ELFN1: variants seen among roughly 807,000 people sequenced by gnomAD.
The protein encoded by ELFN1 is extracellular leucine rich repeat and fibronectin type III domain containing 1.
Under a neutral mutation model 7.6 loss-of-function variants are expected in ELFN1, and 6 were observed. That is an observed-to-expected ratio of 0.79 (90% CI 0.43 to 1.56). ELFN1 has a LOEUF of 1.56. Ranked by LOEUF, ELFN1 falls within the 40% of genes most tolerant of loss-of-function variation. The probability of loss-of-function intolerance (pLI) is 0.01; values close to 1 mark genes in which losing one functional copy is unlikely to be tolerated. For missense variants in ELFN1, 1,169 were observed against 1,232.2 expected, an observed-to-expected ratio of 0.95 and a Z score of 0.77; for synonymous variants, 657 against 588.1, an observed-to-expected ratio of 1.12 and a Z score of -1.70.
upstream of ELFN1, among the ~76,000 whole-genome samples, chr7:1,668,626 A>G (rs1778706718): frequency 6.6e-6 from 1 of 152,172 alleles, no homozygotes; most frequent in African/African-American, 2.4e-5. Flanking sequence ...GTGGAGCTGC[A>G]GCTGGGGAGA....
At chr7:1,696,244 G>A (rs1779306732) in intron 2 of ELFN1, among the ~76,000 whole-genome samples, 1 of 151,600 alleles carries the variant, frequency 6.6e-6, no homozygotes, top group African/African-American at 2.4e-5. Context: ...GAGGGAGAGA[G>A]AGAGAAAGAG....
intron 3 of ELFN1, among the ~76,000 whole-genome samples, chr7:1,716,019 C>A (rs749675648): frequency 1.9e-4 from 29 of 152,218 alleles, no homozygotes; most frequent in Non-Finnish European, 5.9e-5. Flanking sequence ...CGCCATTGCT[C>A]ACCAGCTGTG....
At position 1,744,930 on chromosome 7, in the gene ELFN1, G is replaced by T. The variant is rs1204132359; in HGVS notation, c.334G>T (p.Val112Leu). 1 of 1,552,346 alleles carries T rather than the reference G, an allele frequency of 6.4e-7. No individual in the cohort carries two copies. The highest frequency in any genetic ancestry group is 8.7e-7 in the Non-Finnish European group (1 of 1,147,442). ...GAFSGQFNLQVLQLGYNRLRN... is the reference protein window; with the variant it reads ...GAFSGQFNLQLLQLGYNRLRN... ...CTTCTCGGGCCAGTTCAACCTGCAG[G>T]TGCTGCAGCTGGGCTACAACCGGCT... Residue 112 changes from valine (V) to leucine (L), a missense_variant, in exon 4 of 4, where the codon GTG becomes TTG. Transcript: ENST00000424383.
At chr7:1,700,795 G>A (rs1045489929) in intron 2 of ELFN1, among the ~76,000 whole-genome samples, 3 of 152,214 alleles carry the variant, frequency 2.0e-5, no homozygotes, top group Non-Finnish European at 4.4e-5. Flanking sequence ...TTGAAGCCTC[G>A]CCGGTCTGGC....
At chr7:1,731,584 A>T (rs563775285) in intron 3 of ELFN1, among the ~76,000 whole-genome samples, 2 of 152,328 alleles carry the variant, frequency 1.3e-5, no homozygotes, top group East Asian at 3.9e-4. Flanking sequence ...TATACGGGGA[A>T]ACAGACATGC....
chr7:1,708,870 C>G (rs1779592304), intron 2 of ELFN1, among the ~76,000 whole-genome samples: 1 of 152,178 alleles, frequency 6.6e-6, no homozygotes, highest in Non-Finnish European at 1.5e-5. Context: ...GCTCCTCTCC[C>G]CTCTATCCCG....
At position 1,705,041 on chromosome 7, in the gene ELFN1, G is replaced by A. The variant is rs1779502903; in HGVS notation, c.-455-4050G>A. On this transcript the variant is annotated intron_variant, in intron 2 of 3. Transcript: ENST00000424383. This position sits in a 1 kb window ranked among gnomAD's most constrained non-coding sequence, Gnocchi z 4.3. The stretch of plus-strand genomic sequence containing the variant: ...AGGCAGAGGGCACAGCAAGTGCAGA[G>A]GGCAGAGGTGGAGACCTGCTGGGGT... Among the ~76,000 whole-genome samples the A allele has an allele frequency of 6.6e-6, 1 of 152,154 alleles. No individual in the cohort carries two copies. Among genetic ancestry groups the A allele is most frequent in the African/African-American group, 2.4e-5 (1 of 41,444 alleles).
chr7:1,746,080 C>G lies in ELFN1; in HGVS notation c.1484C>G (p.Thr495Arg). Residue 495 changes from threonine (T) to arginine (R), a missense_variant, in exon 4 of 4, where the codon ACG (threonine) becomes AGG (arginine). Physicochemically the swap from Thr to Arg is moderately conservative, Grantham distance 71. This residue lies in a region of ELFN1 where 914 missense variants were observed against 872.6 expected (regional missense o/e 1.05). Coordinates refer to ENST00000424383, the MANE Select transcript of ELFN1 (RefSeq NM_001128636.4). ...CCGCTGCTGGGCCCCGAGGCCGTGA[C>G]GCGCATCCCTTACCTGCCTGCGGCC... ...QGPLLGPEAV[T>R]RIPYLPAAGE... The G allele has an allele frequency of 6.5e-7, 1 of 1,547,154 alleles. No individual in the cohort carries two copies. The highest frequency in any genetic ancestry group is 8.7e-7 in the Non-Finnish European group (1 of 1,145,290).
chr7:1,697,548 C>G (rs886812985), intron 2 of ELFN1, among the ~76,000 whole-genome samples: 1 of 152,238 alleles, frequency 6.6e-6, no homozygotes, highest in Non-Finnish European at 1.5e-5. Flanking sequence ...TCCCACTGGC[C>G]TTGTCTTAGC....
At chr7:1,722,227 C>T (rs1198429024) in intron 3 of ELFN1, among the ~76,000 whole-genome samples, 2 of 150,982 alleles carry the variant, frequency 1.3e-5, no homozygotes, top group Non-Finnish European at 2.9e-5. Context: ...TTCTAAAGTT[C>T]ATGAGTCATC....
rs370941771 is a variant in ELFN1, at chr7:1,744,672, C to T, written c.76C>T (p.Arg26Cys). The change falls in exon 4 of 4, where the codon CGC (arginine) becomes TGC (cysteine). Residue 26 changes from arginine to cysteine, a missense_variant. Coordinates refer to ENST00000424383, the MANE Select transcript of ELFN1 (RefSeq NM_001128636.4). ...CCTGCTGCACGCTGGCGGCCTGGCC[C>T]GCGCAGACTGCTGGCTGATCGAGGG... is the stretch of plus-strand genomic sequence containing the variant. ...ATLLHAGGLA[R>C]ADCWLIEGDK... 4,935 of 1,550,932 alleles carry T rather than the reference C, an allele frequency of 3.2e-3. 14 individuals carry two copies. The highest frequency in any genetic ancestry group is 4.1e-3 in the Non-Finnish European group (4,672 of 1,146,832).
In ELFN1 at chr7:1,744,517, T is replaced by C; in HGVS notation, c.-80T>C. 1 of 1,374,230 alleles carries C rather than the reference T, an allele frequency of 7.3e-7. No homozygotes were observed. Among genetic ancestry groups the C allele is most frequent in the Non-Finnish European group, 9.5e-7 (1 of 1,051,050 alleles). 85.1% of individuals were successfully genotyped at this position (1,374,230 alleles called of 1,614,324 possible). A position where few individuals can be genotyped will look rare whatever the true frequency, so the allele number is the denominator to read the frequency against. ...GGCACCTCCCCCTCCCGCCCCTCCA[T>C]CCCTCTGGGGGCTGGCGCCTGGCCC... On this transcript the variant is annotated 5_prime_UTR_variant, in exon 4 of 4. Coordinates refer to ENST00000424383, the MANE Select transcript of ELFN1 (RefSeq NM_001128636.4).
intron 3 of ELFN1, among the ~76,000 whole-genome samples, chr7:1,741,643 G>T (rs1780617444): frequency 6.6e-6 from 1 of 152,194 alleles, no homozygotes; most frequent in Non-Finnish European, 1.5e-5. Flanking sequence ...GGGAGAGAGT[G>T]TGGCACCCAG....
chr7:1,715,948 C>G (rs1311240147), intron 3 of ELFN1, among the ~76,000 whole-genome samples: 1 of 152,244 alleles, frequency 6.6e-6, no homozygotes, highest in African/African-American at 2.4e-5. Flanking sequence ...CCCCTGGTCT[C>G]TGACCTGCTG....
At position 1,677,780 on chromosome 7, in the gene ELFN1, CT is replaced by C. The variant is rs1244284911; in HGVS notation, c.-549+7435del. 6.0e-5 allele frequency among the ~76,000 whole-genome samples: 9 copies of C among 150,966 alleles called. No individual in the cohort carries two copies. In the South Asian group the frequency reaches 1.5e-3, roughly 25 times the overall value. ...AAAATGAATTTGTTGTCTGCTTTTT[CT>C]TTTTTTTTGCAAATTCAGTCGAGCG... On this transcript the variant is annotated intron_variant, in intron 1 of 3. Coordinates refer to ENST00000424383, the MANE Select transcript of ELFN1 (RefSeq NM_001128636.4).
rs926747272 is a variant in ELFN1, at chr7:1,745,302, C to T, written c.706C>T (p.Arg236Cys). 19 of 1,538,580 alleles carry T rather than the reference C, an allele frequency of 1.2e-5. No individual in the cohort carries two copies. Among genetic ancestry groups the T allele is most frequent in the African/African-American group, 4.1e-5 (3 of 73,050 alleles). Residue 236 changes from arginine to cysteine, a missense_variant, in exon 4 of 4, where the codon CGC becomes TGC. This residue lies in a region of ELFN1 where 255 missense variants were observed against 359.6 expected (regional missense o/e 0.71). Transcript: ENST00000424383. ...YSGYYLLGQG[R>C]RGHRSILSKL... Reference sequence around the variant, plus strand: ...CGGCTACTACCTCCTGGGCCAGGGCCGCCGCGGCCACCGCAGCATCCTCAG... The same window carrying T: ...CGGCTACTACCTCCTGGGCCAGGGCTGCCGCGGCCACCGCAGCATCCTCAG...
chr7:1,734,521 G>A (rs759160974), intron 3 of ELFN1, among the ~76,000 whole-genome samples: 1 of 152,080 alleles, frequency 6.6e-6, no homozygotes, highest in Non-Finnish European at 1.5e-5. Context: ...CAGGGCCCCA[G>A]CCCCAGCCCT....
intron 3 of ELFN1, among the ~76,000 whole-genome samples, chr7:1,729,273 T>TG (rs537006065): frequency 3.2e-4 from 49 of 152,232 alleles, no homozygotes; most frequent in Non-Finnish European, 1.2e-4. Flanking sequence ...GGGTTTGGTG[T>TG]GAGTCAGTGA....
intron 3 of ELFN1, among the ~76,000 whole-genome samples, chr7:1,729,926 C>A (rs1357848536): frequency 1.3e-5 from 2 of 152,254 alleles, no homozygotes; most frequent in East Asian, 3.8e-4. Flanking sequence ...GGCACGTAGA[C>A]CAGCAGGCCC....
Sources: allele counts gnomAD v4.1 joint callset (sites outside exome capture counted in the v4.1 genomes callset), GRCh38; gene constraint gnomAD v4.1.1; regional missense constraint gnomAD v4.1.1; non-coding constraint Gnocchi (gnomAD v3.1); transcripts MANE v1.5; gene names NCBI Gene and HGNC (gene_info 2026-07-23, HGNC 2026-07-21).